Variants in ATRNL1 observed in about 807,000 individuals in gnomAD.
The protein encoded by ATRNL1 is attractin like 1, also known as attractin-like protein 1.
ATRNL1 carries 95 observed loss-of-function variants against 182.7 expected under a neutral mutation model. The ratio of observed to expected loss-of-function variants is 0.52; its 90% CI spans 0.44 to 0.62. ATRNL1 has a LOEUF of 0.62. ATRNL1 is among the 20% of genes least tolerant of loss of function. ATRNL1 has a pLI of 0.00. For missense variants in ATRNL1, 1,471 were observed against 1,679.5 expected (o/e 0.88, Z 2.17); for synonymous variants, 576 against 568.3 (o/e 1.01, Z -0.19).
rs1057410898 is a variant in ATRNL1 at position 115,667,848 on chromosome 10, A to G, written c.3796-59400A>G. Reference sequence around the variant, plus strand: ...ATTTTTTAATTACTATTTTTTTAGTAGAGGTGTGGTCTCACTATGTTGCCC... The same window carrying G: ...ATTTTTTAATTACTATTTTTTTAGTGGAGGTGTGGTCTCACTATGTTGCCC... On this transcript the variant is annotated intron_variant, in intron 26 of 28. Coordinates refer to ENST00000355044, the MANE Select transcript of ATRNL1 (RefSeq NM_207303.4). 2.0e-5 allele frequency among the ~76,000 whole-genome samples: 3 copies of G among 151,892 alleles called. No homozygotes were observed. In the South Asian group the frequency reaches 6.2e-4, roughly 31 times the overall value.
chr10:115,139,791 C>G (rs1845684332), intron 5 of ATRNL1, among the ~76,000 whole-genome samples: 1 of 152,224 alleles, frequency 6.6e-6, no homozygotes, highest in Non-Finnish European at 1.5e-5. Flanking sequence ...ATAAGTAGCA[C>G]TGGCCCATTC....
intron 1 of ATRNL1, among the ~76,000 whole-genome samples, chr10:115,107,295 G>A (rs1177283475): frequency 6.6e-6 from 1 of 152,202 alleles, no homozygotes; most frequent in Non-Finnish European, 1.5e-5. Flanking sequence ...GTGCAATGGT[G>A]AGACAGGTAT....
At position 115,658,090 on chromosome 10, in the gene ATRNL1, CTTTTTTTTTTTTTT is replaced by C. The variant is rs71010038; in HGVS notation, c.3796-69148_3796-69135del. ...ATTTATACTGTTAGTAATTTTTTTC[CTTTTTTTTTTTTTT>C]TTTTTTTTTGAGATGGAGTCTCGCT... is the stretch of plus-strand genomic sequence containing the variant. On this transcript the variant is annotated intron_variant, in intron 26 of 28. Transcript: ENST00000355044. 1.2e-3 allele frequency among the ~76,000 whole-genome samples: 112 copies of C among 90,312 alleles called. 1 individual carries two copies. Among genetic ancestry groups the C allele is most frequent in the African/African-American group, 4.5e-3 (104 of 23,168 alleles). The allele number at this position is 90,312 out of a possible 152,430, so 59.2% of individuals were successfully genotyped here.
At chr10:115,734,571 A>G (rs1472322746) in intron 27 of ATRNL1, among the ~76,000 whole-genome samples, 2 of 152,098 alleles carry the variant, frequency 1.3e-5, no homozygotes, top group African/African-American at 4.8e-5. Flanking sequence ...CTTAGAAATG[A>G]TAGCTCATTC....
intron 21 of ATRNL1, among the ~76,000 whole-genome samples, chr10:115,457,797 C>T (rs1554969030): frequency 6.6e-6 from 1 of 152,032 alleles, no homozygotes; most frequent in African/African-American, 2.4e-5. Flanking sequence ...ATCTCATCAC[C>T]TTTTACCTAC....
chr10:115,106,990 G>C (rs191046480), intron 1 of ATRNL1, among the ~76,000 whole-genome samples: 1 of 152,170 alleles, frequency 6.6e-6, no homozygotes, highest in Admixed American at 6.5e-5. Context: ...AGAGGGTCAA[G>C]GGATAGGCAA....
intron 27 of ATRNL1, among the ~76,000 whole-genome samples, chr10:115,806,678 T>C (rs1949926471): frequency 6.6e-6 from 1 of 152,186 alleles, no homozygotes; most frequent in Non-Finnish European, 1.5e-5. Flanking sequence ...AGATCAGTGT[T>C]GTTTAATGGT....
chr10:115,133,172 C>A (rs1333706401), intron 5 of ATRNL1, among the ~76,000 whole-genome samples: 1 of 152,028 alleles, frequency 6.6e-6, no homozygotes, highest in African/African-American at 2.4e-5. Flanking sequence ...TTCCCAGAAC[C>A]ATTTATTAAA....
intron 26 of ATRNL1, among the ~76,000 whole-genome samples, chr10:115,607,514 G>T (rs17803963): frequency 0.17 from 25,191 of 151,454 alleles, 2,624 homozygotes; most frequent in South Asian, 0.24. Context: ...AGTTATTTTT[G>T]CCCTAATACC....
intron 26 of ATRNL1, among the ~76,000 whole-genome samples, chr10:115,699,770 A>G (rs906318848): frequency 1.3e-5 from 2 of 152,090 alleles, no homozygotes; most frequent in Admixed American, 6.6e-5. Flanking sequence ...GAGGTTTGGG[A>G]TACCATTGAC....
chr10:115,786,984 A>G (rs542509622), intron 27 of ATRNL1, among the ~76,000 whole-genome samples: 2 of 152,336 alleles, frequency 1.3e-5, no homozygotes, highest in East Asian at 3.9e-4. Context: ...TCTGCCTGCT[A>G]CTAACTGTGG....
chr10:115,241,922 T>C (rs1266281882), intron 10 of ATRNL1, among the ~76,000 whole-genome samples, 197 bp downstream of exon 10: 3 of 152,188 alleles, frequency 2.0e-5, no homozygotes, highest in Admixed American at 6.5e-5. Context: ...TGAGCAGAAG[T>C]AGTGGTAGAT....
At chr10:115,177,201 T>C (rs552820123) in intron 8 of ATRNL1, among the ~76,000 whole-genome samples, 6 of 152,258 alleles carry the variant, frequency 3.9e-5, no homozygotes, top group African/African-American at 9.6e-5. Flanking sequence ...GGATTGATCA[T>C]TGAATTTAGC....
chr10:115,353,544 ATT>A (rs1450697513), intron 19 of ATRNL1, among the ~76,000 whole-genome samples: 3 of 152,158 alleles, frequency 2.0e-5, no homozygotes, highest in Non-Finnish European at 4.4e-5. Context: ...TATTTGAAGA[ATT>A]TAGTCCATTT....
intron 24 of ATRNL1, among the ~76,000 whole-genome samples, chr10:115,491,744 A>G (rs1253521500): frequency 6.6e-6 from 1 of 152,056 alleles, no homozygotes; most frequent in Non-Finnish European, 1.5e-5. Flanking sequence ...CCCCCTTTCC[A>G]GGAGAGTGAA....
chr10:115,696,536 A>C (rs1246369447), intron 26 of ATRNL1, among the ~76,000 whole-genome samples: 2 of 152,150 alleles, frequency 1.3e-5, no homozygotes, highest in Admixed American at 6.6e-5. Context: ...CAGTAGTAGG[A>C]TTGCTAGATC....
At chr10:115,738,167 C>T (rs1176271501) in intron 27 of ATRNL1, among the ~76,000 whole-genome samples, 1 of 38,782 alleles carries the variant, frequency 2.6e-5, no homozygotes, top group African/African-American at 6.9e-5. Flanking sequence ...GAGATGGAGT[C>T]CTGCTCTGTC....
intron 5 of ATRNL1, among the ~76,000 whole-genome samples, chr10:115,153,417 A>C (rs892149978): frequency 6.6e-6 from 1 of 152,070 alleles, no homozygotes; most frequent in Non-Finnish European, 1.5e-5. Context: ...CAGGGATTCA[A>C]CTTCTTCCTG....
intron 27 of ATRNL1, chr10:115,820,107 C>T (rs187827329): frequency 1.2e-4 from 19 of 152,250 alleles, no homozygotes; most frequent in Admixed American, 2.0e-4. Flanking sequence ...TGTACATCCT[C>T]TTTCAAAGCA....
Sources: allele counts gnomAD v4.1 joint callset (sites outside exome capture counted in the v4.1 genomes callset), GRCh38; gene constraint gnomAD v4.1.1; transcripts MANE v1.5; gene names NCBI Gene and HGNC (gene_info 2026-07-23, HGNC 2026-07-21).